CAB39: variants seen among roughly 807,000 people sequenced by gnomAD.
The protein encoded by CAB39 is calcium binding protein 39, also known as calcium-binding protein 39.
CAB39 carries 8 observed loss-of-function variants against 40.0 expected under a neutral mutation model. The ratio of observed to expected loss-of-function variants is 0.20; its 90% CI spans 0.12 to 0.36. CAB39 has a LOEUF of 0.36. Ranked by LOEUF, CAB39 falls within the 10% of genes least tolerant of loss-of-function variation. The probability of loss-of-function intolerance (pLI) is 1.00; values close to 1 mark genes in which losing one functional copy is unlikely to be tolerated. For synonymous variants in CAB39, 156 were observed against 141.6 expected (o/e 1.10, Z -0.72); for missense variants, 270 against 401.1 (o/e 0.67, Z 2.79).
At chr2:230,716,400 G>C (rs1198905987) in intron 1 of CAB39, among the ~76,000 whole-genome samples, 1 of 152,028 alleles carries the variant, frequency 6.6e-6, no homozygotes, top group Admixed American at 6.6e-5. Flanking sequence ...CCAGATTGAT[G>C]ACTAATCACT....
chr2:230,729,473 C>T (rs187289145), intron 1 of CAB39, among the ~76,000 whole-genome samples: 16 of 152,050 alleles, frequency 1.1e-4, no homozygotes, highest in African/African-American at 2.9e-4. Flanking sequence ...GTTTAGTGCC[C>T]GGCGTGGTGG....
intron 2 of CAB39, among the ~76,000 whole-genome samples, chr2:230,777,877 A>T (rs924897176): frequency 1.3e-5 from 2 of 152,220 alleles, no homozygotes; most frequent in African/African-American, 2.4e-5. Flanking sequence ...TCCTGAAAGT[A>T]TAATTCACAG....
At position 230,816,719 on chromosome 2, in the gene CAB39, A is replaced by G. The variant is rs191208962; in HGVS notation, c.694-1035A>G. 7.2e-5 allele frequency among the ~76,000 whole-genome samples: 11 copies of G among 152,272 alleles called. No homozygotes were observed. In the East Asian group the frequency reaches 2.1e-3, roughly 29 times the overall value. The stretch of plus-strand genomic sequence containing the variant: ...ACATCTCTGCAGATACAGGCCTGAT[A>G]CGTGCTTTGCACACTGATGCTCGTT... On this transcript the variant is annotated intron_variant, in intron 7 of 8. Transcript: ENST00000258418.
intron 1 of CAB39, among the ~76,000 whole-genome samples, chr2:230,745,346 G>A (rs1370294843): frequency 3.3e-5 from 5 of 152,082 alleles, no homozygotes; most frequent in African/African-American, 1.2e-4. Context: ...ATCTTTTTTT[G>A]TAAGTGTTCT....
At chr2:230,753,994 A>G (rs2466155) in intron 1 of CAB39, among the ~76,000 whole-genome samples, 7,607 of 152,304 alleles carry the variant, frequency 0.05, 278 homozygotes, top group East Asian at 0.09. Context: ...TTACAATTTT[A>G]CCATATTTGC....
intron 2 of CAB39, among the ~76,000 whole-genome samples, chr2:230,769,214 C>G (rs571512300): frequency 6.6e-6 from 1 of 152,262 alleles, no homozygotes; most frequent in Non-Finnish European, 1.5e-5. Context: ...TATAATAATT[C>G]TAAACATTTA....
chr2:230,805,610 C>T (rs1454916290), intron 5 of CAB39, among the ~76,000 whole-genome samples: 1 of 151,994 alleles, frequency 6.6e-6, no homozygotes, highest in African/African-American at 2.4e-5. Context: ...CAGGTAATAA[C>T]ATGACCATAT....
In CAB39 at chr2:230,818,767, G is replaced by A. The variant is rs963201597; in HGVS notation, c.*63G>A. 7.8e-6 allele frequency: 10 copies of A among 1,282,112 alleles called. No individual in the cohort carries two copies. Among genetic ancestry groups the A allele is most frequent in the Middle Eastern group, 3.7e-4 (2 of 5,346 alleles). 79.4% of individuals were successfully genotyped at this position (1,282,112 alleles called of 1,614,324 possible). A position where few individuals can be genotyped will look rare whatever the true frequency, so the allele number is the denominator to read the frequency against. On this transcript the variant is annotated 3_prime_UTR_variant, in exon 9 of 9. Coordinates refer to ENST00000258418, the MANE Select transcript of CAB39 (RefSeq NM_016289.4). The stretch of plus-strand genomic sequence containing the variant: ...TTTGCTGTTAGCTATTCAGCATCAG[G>A]CACTCTTATTGATTCATGAGGAACA...
intron 1 of CAB39, among the ~76,000 whole-genome samples, chr2:230,716,505 T>C (rs1369416071): frequency 6.6e-6 from 1 of 152,206 alleles, no homozygotes; most frequent in Non-Finnish European, 1.5e-5. Context: ...GTTTCAGGTA[T>C]TGTCTTTTGT....
Position 230,813,978 on chromosome 2 carries a change from CTTTTTTTTTTTTTTTTTTT to C in CAB39, c.628-55_628-37del, listed in dbSNP as rs1160253213. 372 of 113,130 alleles carry C rather than the reference CTTTTTTTTTTTTTTTTTTT, an allele frequency of 3.3e-3. 10 individuals are homozygous for C. In the African/African-American group the frequency reaches 0.041, roughly 12 times the overall value. The allele number at this position is 113,130 out of a possible 1,614,324, so 7.0% of individuals were successfully genotyped here. A position where few individuals can be genotyped will look rare whatever the true frequency, so the allele number is the denominator to read the frequency against. ...CTAATTTACAATGTTACCTACCAGT[CTTTTTTTTTTTTTTTTTTT>C]TTTTTTTTTTTTTTTGGCAATAACC... On this transcript the variant is annotated intron_variant, in intron 6 of 8. Coordinates refer to ENST00000258418, the MANE Select transcript of CAB39 (RefSeq NM_016289.4).
At position 230,744,208 on chromosome 2, in the gene CAB39, C is replaced by T. The variant is rs1407987213; in HGVS notation, c.-43-15751C>T. Among the ~76,000 whole-genome samples the T allele has an allele frequency of 3.9e-5, 6 of 152,138 alleles. No individual in the cohort carries two copies. In the South Asian group the frequency reaches 6.2e-4, roughly 16 times the overall value. Reference sequence around the variant, plus strand: ...TGCTGGGATTACAGGCGTGAGCCACCGTGCCCAGCCCCATGATACATTCTT... The same window carrying T: ...TGCTGGGATTACAGGCGTGAGCCACTGTGCCCAGCCCCATGATACATTCTT... On this transcript the variant is annotated intron_variant, in intron 1 of 8. Coordinates refer to ENST00000258418, the MANE Select transcript of CAB39 (RefSeq NM_016289.4).
At chr2:230,803,333 T>G (rs1696127202) in intron 5 of CAB39, among the ~76,000 whole-genome samples, 1 of 152,224 alleles carries the variant, frequency 6.6e-6, no homozygotes, top group African/African-American at 2.4e-5. Context: ...GCATTCCCTT[T>G]GAAAAGTTGC....
intron 2 of CAB39, among the ~76,000 whole-genome samples, chr2:230,778,495 G>A (rs932410328): frequency 5.3e-5 from 8 of 152,180 alleles, no homozygotes; most frequent in African/African-American, 1.7e-4. Flanking sequence ...GATAGGTACC[G>A]TGGGAATATT....
At chr2:230,773,324 G>GTGTGTA in intron 2 of CAB39, among the ~76,000 whole-genome samples, 1 of 150,488 alleles carries the variant, frequency 6.6e-6, no homozygotes, top group South Asian at 2.1e-4. Context: ...ATGTGTGTGT[G>GTGTGTA]TGTGTGTGTG....
chr2:230,792,632 A>G (rs372454616), intron 3 of CAB39, among the ~76,000 whole-genome samples: 1 of 152,238 alleles, frequency 6.6e-6, no homozygotes. Flanking sequence ...TCTCTGAACT[A>G]CTGTATCATG....
intron 6 of CAB39, 131 bp from the exon 7 acceptor site, chr2:230,813,918 G>A: frequency 1.8e-6 from 1 of 544,500 alleles, no homozygotes. Context: ...CAGGGCAGCT[G>A]TTGGCCTTCA....
intron 2 of CAB39, among the ~76,000 whole-genome samples, chr2:230,768,912 A>G (rs1695435202): frequency 6.6e-6 from 1 of 152,254 alleles, no homozygotes; most frequent in Non-Finnish European, 1.5e-5. Flanking sequence ...CTGTATCAGT[A>G]ATCACATTGA....
In CAB39 at chr2:230,819,697, A is replaced by G. The variant is rs1696472461; in HGVS notation, c.*993A>G. 1 of 152,334 alleles carries G rather than the reference A, an allele frequency of 6.6e-6. No homozygotes were observed. The highest frequency in any genetic ancestry group is 2.1e-4 in the South Asian group (1 of 4,834). 9.4% of individuals were successfully genotyped at this position (152,334 alleles called of 1,614,324 possible). ...GAAAGTAAACCAGTCCTTTGTATTC[A>G]GTTACCTAATGGGGTGCCATCAATA... On this transcript the variant is annotated 3_prime_UTR_variant, in exon 9 of 9. Coordinates refer to ENST00000258418, the MANE Select transcript of CAB39 (RefSeq NM_016289.4).
At chr2:230,809,161 A>C (rs1312009814) in intron 5 of CAB39, among the ~76,000 whole-genome samples, 1 of 152,176 alleles carries the variant, frequency 6.6e-6, no homozygotes, top group Non-Finnish European at 1.5e-5. Context: ...TTTCACAGAA[A>C]GTAGGTGACA....
Sources: allele counts gnomAD v4.1 joint callset (sites outside exome capture counted in the v4.1 genomes callset), GRCh38; gene constraint gnomAD v4.1.1; transcripts MANE v1.5; gene names NCBI Gene and HGNC (gene_info 2026-07-23, HGNC 2026-07-21).